USP53: variants seen among roughly 807,000 people sequenced by gnomAD.
USP53 encodes the protein ubiquitin carboxyl-terminal hydrolase 53.
Under a neutral mutation model 94.9 loss-of-function variants are expected in USP53, and 71 were observed. That is an observed-to-expected ratio of 0.75 (90% CI 0.62 to 0.91). The LOEUF (loss-of-function observed/expected upper bound fraction) is 0.91, where lower values mean the gene tolerates loss of function less well. USP53 is among the 40% of genes least tolerant of loss of function. USP53 has a pLI of 0.00. For synonymous variants in USP53, 375 were observed against 422.7 expected (o/e 0.89, Z 1.39); for missense variants, 1,173 against 1,281.0 (o/e 0.92, Z 1.29).
chr4:119,269,924 ATATGT>A (rs1751636856), intron 15 of USP53, 87 bp downstream of exon 15: 1 of 702,886 alleles, frequency 1.4e-6, no homozygotes, highest in East Asian at 5.7e-5. Context: ...TAATTTCTGT[ATATGT>A]TAAATAATAT....
At chr4:119,252,092 C>G (rs1749088866) in intron 7 of USP53, among the ~76,000 whole-genome samples, 1 of 152,182 alleles carries the variant, frequency 6.6e-6, no homozygotes. Context: ...CCCACTTGAT[C>G]ATGGCGGATA....
intron 17 of USP53, among the ~76,000 whole-genome samples, chr4:119,278,002 G>A (rs373638396): frequency 5.7e-5 from 8 of 141,428 alleles, no homozygotes; most frequent in East Asian, 4.1e-4. Flanking sequence ...GTCTCTGCAC[G>A]TGAGATGGGT....
chr4:119,259,306 T>C (rs1037044473), intron 9 of USP53, among the ~76,000 whole-genome samples: 1 of 137,374 alleles, frequency 7.3e-6, no homozygotes, highest in African/African-American at 2.8e-5. Context: ...GGGGGGGGAG[T>C]AATATTCAAA....
chr4:119,259,016 C>T lies in USP53; in HGVS notation c.570-804C>T, dbSNP rs186973918. Among the ~76,000 whole-genome samples the T allele has an allele frequency of 6.0e-4, 91 of 152,298 alleles. 1 individual carries two copies. The East Asian group carries it at 0.013, about 22-fold the overall frequency. On this transcript the variant is annotated intron_variant, in intron 9 of 18. Transcript: ENST00000692078. Reference sequence around the variant, plus strand: ...AGTATCCTGGCTGAGCTCAGTGGCTCACGCCTGTAATCCCAGCACTTTGAG... The same window carrying T: ...AGTATCCTGGCTGAGCTCAGTGGCTTACGCCTGTAATCCCAGCACTTTGAG...
intron 12 of USP53, 146 bp from the exon 13 acceptor site, chr4:119,267,174 G>A (rs1247181189): frequency 1.8e-6 from 1 of 563,550 alleles, no homozygotes; most frequent in Non-Finnish European, 2.9e-6. Context: ...ACTAAATACA[G>A]TTAATTATAT....
At chr4:119,257,969 T>C (rs1162069659) in intron 9 of USP53, among the ~76,000 whole-genome samples, 2 of 152,226 alleles carry the variant, frequency 1.3e-5, no homozygotes, top group African/African-American at 4.8e-5. Flanking sequence ...CATTCTCTGC[T>C]TGGTAAACAC....
In USP53 at chr4:119,267,323, G is replaced by A. The variant is rs199709106; in HGVS notation, c.976G>A (p.Gly326Arg). The A allele has an allele frequency of 1.0e-4, 161 of 1,610,398 alleles. No homozygotes were observed. In the East Asian group the frequency reaches 3.3e-3, roughly 33 times the overall value. The change falls in exon 13 of 19, where the codon GGA (glycine) becomes AGA (arginine). Residue 326 changes from glycine to arginine, a missense_variant. Gly to Arg is a moderately radical substitution (Grantham distance 125). Coordinates refer to ENST00000692078, the MANE Select transcript of USP53 (RefSeq NM_001371395.1). ...ATTCATTGTGTTTTTTTAAAAGATT[G>A]GAACTAGATGGAAAGATGTTGTCTC... ...FFDDANVKEI[G>R]TRWKDVVSKC... is the part of the protein sequence containing the mutation.
intron 17 of USP53, among the ~76,000 whole-genome samples, chr4:119,287,575 A>G (rs71610260): frequency 6.6e-6 from 1 of 152,204 alleles, no homozygotes; most frequent in Non-Finnish European, 1.5e-5. Flanking sequence ...GATTTGGTGT[A>G]CAGTAAAGTA....
At chr4:119,222,362 T>G (rs1010527610) in intron 3 of USP53, among the ~76,000 whole-genome samples, 2 of 152,254 alleles carry the variant, frequency 1.3e-5, no homozygotes, top group African/African-American at 4.8e-5. Context: ...CATTACTGTT[T>G]AGTCACTGTG....
rs988949745 is a variant in USP53, at chr4:119,267,921, G to A, written c.1136-347G>A. ...GGTGGCTCACGCCTGTAATCCCAAT[G>A]CTTTGGGAGGCCGAGGCGGGTGGAT... On this transcript the variant is annotated intron_variant, in intron 13 of 18. Transcript: ENST00000692078. Among the ~76,000 whole-genome samples the A allele has an allele frequency of 6.3e-4, 95 of 151,352 alleles. 1 individual carries two copies. Among genetic ancestry groups the A allele is most frequent in the Non-Finnish European group, 1.0e-4 (7 of 67,838 alleles).
intron 3 of USP53, among the ~76,000 whole-genome samples, chr4:119,226,479 T>C (rs1745263763): frequency 1.3e-5 from 2 of 151,936 alleles, no homozygotes; most frequent in African/African-American, 4.8e-5. Flanking sequence ...TAATGAAAAA[T>C]TGGAAACCAA....
In USP53 at chr4:119,233,624, A is replaced by G. The variant is rs534077946; in HGVS notation, c.-664-1666A>G. Among the ~76,000 whole-genome samples, 15 of 152,256 alleles carry G rather than the reference A, an allele frequency of 9.9e-5. No individual in the cohort carries two copies. The East Asian group carries it at 2.9e-3, about 29-fold the overall frequency. ...ATTCTTGCCCTATATTCAATTTGCT[A>G]GTTAACCCATCGGATTTTTTATTTC... On this transcript the variant is annotated intron_variant, in intron 3 of 18. Transcript: ENST00000692078.
Position 119,260,247 on chromosome 4 carries a change from C to G in USP53, c.676-260C>G, listed in dbSNP as rs542417751. Among the ~76,000 whole-genome samples, 6 of 152,118 alleles carry G rather than the reference C, an allele frequency of 3.9e-5. No homozygotes were observed. In the East Asian group the frequency reaches 9.6e-4, roughly 24 times the overall value. ...TCTCATCTAATATATTTGTTACTGA[C>G]TTCAAGAGTTTTATTTCTGCTTTTT... On this transcript the variant is annotated intron_variant, in intron 10 of 18. Coordinates refer to ENST00000692078, the MANE Select transcript of USP53 (RefSeq NM_001371395.1).
chr4:119,259,474 G>T (rs1331611522), intron 9 of USP53, among the ~76,000 whole-genome samples: 1 of 151,976 alleles, frequency 6.6e-6, no homozygotes, highest in Non-Finnish European at 1.5e-5. Flanking sequence ...TTCTTGTTAG[G>T]GTAGGGTTTA....
At chr4:119,266,490 G>A (rs899965090) in intron 12 of USP53, among the ~76,000 whole-genome samples, 1 of 152,094 alleles carries the variant, frequency 6.6e-6, no homozygotes, top group Admixed American at 6.6e-5. Context: ...AGCCCTTCTC[G>A]TGTATGTATA....
At chr4:119,289,474 C>T (rs1349792195) in intron 17 of USP53, among the ~76,000 whole-genome samples, 1 of 152,140 alleles carries the variant, frequency 6.6e-6, no homozygotes, top group African/African-American at 2.4e-5. Context: ...CGGAGACCTC[C>T]CGGGGTCCAA....
chr4:119,286,144 A>C (rs1209146611), intron 17 of USP53, among the ~76,000 whole-genome samples: 1 of 151,858 alleles, frequency 6.6e-6, no homozygotes, highest in Non-Finnish European at 1.5e-5. Flanking sequence ...TTTCTAAAAT[A>C]TTCAAATTTA....
At chr4:119,268,540 A>G in intron 14 of USP53, 120 bp downstream of exon 14, 1 of 1,019,520 alleles carries the variant, frequency 9.8e-7, no homozygotes. Flanking sequence ...AATAGATAAC[A>G]AAATTCGTCT....
At chr4:119,259,047 G>A (rs933737962) in intron 9 of USP53, among the ~76,000 whole-genome samples, 14 of 152,230 alleles carry the variant, frequency 9.2e-5, no homozygotes, top group East Asian at 7.7e-4. Flanking sequence ...TTGAGAGTCC[G>A]AGGTGGTTGG....
Sources: allele counts gnomAD v4.1 joint callset (sites outside exome capture counted in the v4.1 genomes callset), GRCh38; gene constraint gnomAD v4.1.1; transcripts MANE v1.5; gene names NCBI Gene and HGNC (gene_info 2026-07-23, HGNC 2026-07-21).